Variants in ARHGEF11 observed in about 807,000 individuals in gnomAD.
ARHGEF11 encodes the protein Rho guanine exchange factor (GEF) 11.
A neutral mutation model predicts 193.7 loss-of-function variants in ARHGEF11; 55 were observed. That is an observed-to-expected ratio of 0.28 (90% CI 0.23 to 0.36). The LOEUF (loss-of-function observed/expected upper bound fraction) is 0.36. Among genes scored for constraint, ARHGEF11 ranks in the 10% least tolerant of loss-of-function variants. ARHGEF11 has a pLI of 1.00. For synonymous variants in ARHGEF11, 693 were observed against 768.0 expected, an observed-to-expected ratio of 0.90 and a Z score of 1.62; for missense variants, 1,723 against 2,005.6, an observed-to-expected ratio of 0.86 and a Z score of 2.69.
chr1:156,947,125 G>A, intron 26 of ARHGEF11, 110 bp from the exon 27 acceptor site: 3 of 1,504,450 alleles, frequency 2.0e-6, no homozygotes, highest in South Asian at 2.3e-5. Context: ...GAAGGGTCTG[G>A]AAACCATTGT....
chr1:156,936,893 G>A lies in ARHGEF11; in HGVS notation c.4553C>T (p.Ser1518Phe). Residue 1518 changes from serine (S) to phenylalanine (F), a missense_variant, in exon 40 of 41, where the codon TCC becomes TTC. Coordinates refer to ENST00000368194, the MANE Select transcript of ARHGEF11 (RefSeq NM_198236.3). Reference sequence around the variant, plus strand: ...GGGCTCCTTAGCGGGAGGTGAGAGGGAGCCATCTGTCCATCTAGCTGCTTC... The same window carrying A: ...GGGCTCCTTAGCGGGAGGTGAGAGGAAGCCATCTGTCCATCTAGCTGCTTC... ...HTEAARWTDG[S>F]LSPPAKEPLA... The A allele has an allele frequency of 6.2e-7, 1 of 1,614,144 alleles. No homozygotes were observed. Among genetic ancestry groups the A allele is most frequent in the African/African-American group, 1.3e-5 (1 of 75,020 alleles).
chr1:156,967,330 G>T (rs186654935), intron 11 of ARHGEF11, among the ~76,000 whole-genome samples: 5 of 152,284 alleles, frequency 3.3e-5, no homozygotes, highest in African/African-American at 1.2e-4. Flanking sequence ...ACGGTTAACG[G>T]TGTCTGAAAA....
intron 1 of ARHGEF11, among the ~76,000 whole-genome samples, chr1:157,016,298 C>T (rs771344534): frequency 3.3e-5 from 5 of 152,176 alleles, no homozygotes; most frequent in African/African-American, 4.8e-5. Context: ...TGGCTCACTG[C>T]AACCTCCGCC....
chr1:157,002,322 C>T (rs1037301239), intron 1 of ARHGEF11, among the ~76,000 whole-genome samples: 1 of 152,190 alleles, frequency 6.6e-6, no homozygotes, highest in African/African-American at 2.4e-5. Context: ...CAGTTTGGAT[C>T]TCATTCTCCA....
rs376577173 is a variant in ARHGEF11, at chr1:156,938,516, G to A, written c.4097-3C>T. The A allele has an allele frequency of 8.1e-6, 13 of 1,611,576 alleles. No individual in the cohort carries two copies. In the African/African-American group the frequency reaches 1.3e-4, roughly 17 times the overall value. ...AACCTTGCTGCCTGCCACCTCAGCTGCACCGACACCACCACCACCAGGAAG... is the reference window on the plus strand; with the variant it reads ...AACCTTGCTGCCTGCCACCTCAGCTACACCGACACCACCACCACCAGGAAG... On this transcript the variant is annotated splice_polypyrimidine_tract_variant and splice_region_variant and intron_variant, in intron 37 of 40. Coordinates refer to ENST00000368194, the MANE Select transcript of ARHGEF11 (RefSeq NM_198236.3).
intron 36 of ARHGEF11, 99 bp downstream of exon 36, chr1:156,940,108 A>T: frequency 7.0e-7 from 1 of 1,437,274 alleles, no homozygotes; most frequent in Non-Finnish European, 9.4e-7. Context: ...GCACACCAGG[A>T]AGAGCCTTCG....
intron 1 of ARHGEF11, among the ~76,000 whole-genome samples, chr1:156,989,224 G>GGGTCAGA (rs752810569): frequency 1.7e-3 from 262 of 151,866 alleles, no homozygotes; most frequent in South Asian, 2.9e-3. Flanking sequence ...CAACTTCTCA[G>GGGTCAGA]TTATCCCCTA....
intron 1 of ARHGEF11, among the ~76,000 whole-genome samples, chr1:156,992,192 A>G (rs542396365): frequency 6.6e-6 from 1 of 152,236 alleles, no homozygotes; most frequent in African/African-American, 2.4e-5. Flanking sequence ...ATAAATACCT[A>G]TACATATTCT....
At chr1:156,978,115 C>A (rs1571331522) in intron 6 of ARHGEF11, 89 bp downstream of exon 6, 1 of 1,550,480 alleles carries the variant, frequency 6.4e-7, no homozygotes, top group Non-Finnish European at 8.7e-7. Context: ...TTTACCACAG[C>A]CCCACTGGAT....
chr1:156,954,667 G>A (rs559153209), intron 21 of ARHGEF11, among the ~76,000 whole-genome samples: 50 of 152,348 alleles, frequency 3.3e-4, no homozygotes, highest in Non-Finnish European at 6.8e-4. Context: ...ACAAGGTCTC[G>A]TACCTGGCAT....
At chr1:156,958,043 T>A (rs940189497) in intron 17 of ARHGEF11, among the ~76,000 whole-genome samples, 21 of 152,226 alleles carry the variant, frequency 1.4e-4, no homozygotes, top group African/African-American at 4.8e-4. Context: ...TTCATCTTCT[T>A]TGCTATTTTT....
At chr1:157,043,127 A>G (rs1422544284) in intron 1 of ARHGEF11, among the ~76,000 whole-genome samples, 1 of 152,248 alleles carries the variant, frequency 6.6e-6, no homozygotes, top group East Asian at 1.9e-4. Context: ...TATGCATTTT[A>G]GGCCACATTC....
chr1:156,997,595 T>G (rs540800579), intron 1 of ARHGEF11, among the ~76,000 whole-genome samples: 1 of 152,078 alleles, frequency 6.6e-6, no homozygotes, highest in Non-Finnish European at 1.5e-5. Flanking sequence ...CTGCTGAGAG[T>G]GGGTTACTAG....
rs1267025018 is a variant in ARHGEF11, at chr1:156,948,495, T to C, written c.1929A>G (p.Ser643=). The C allele has an allele frequency of 1.2e-6, 2 of 1,614,030 alleles. No homozygotes were observed. The highest frequency in any genetic ancestry group is 1.7e-6 in the Non-Finnish European group (2 of 1,179,974). The change falls in exon 23 of 41, where the codon TCA becomes TCG. Residue 643 remains serine, a synonymous_variant. Coordinates refer to ENST00000368194, the MANE Select transcript of ARHGEF11 (RefSeq NM_198236.3). This position sits in a 1 kb window ranked among gnomAD's most constrained non-coding sequence, Gnocchi z 4.2. ...AGCGGCCCAGGCGAATCTCTGAGCG[T>C]GAACTGGGGGGAAGGGACAAAAGAC... ...FPEDLLESDS[S]RSEIRLGRSE... is the part of the protein sequence containing the mutation.
Position 156,978,221 on chromosome 1 carries a change from C to T in ARHGEF11, c.493G>A (p.Gly165Arg), listed in dbSNP as rs1663546604. 2 of 1,614,028 alleles carry T rather than the reference C, an allele frequency of 1.2e-6. No individual in the cohort carries two copies. The highest frequency in any genetic ancestry group is 1.7e-5 in the Admixed American group (1 of 60,006). ...ATTATTACCTGCAGAGGTTTGGGTC[C>T]TGTGATGCGTTGTGGAGGTGGTAGA... is the stretch of plus-strand genomic sequence containing the variant. ...PPLPPPQRITGPKPLQDPEVQ... is the reference protein window; with the variant it reads ...PPLPPPQRITRPKPLQDPEVQ... Residue 165 changes from glycine to arginine, a missense_variant, in exon 6 of 41, where the codon GGA becomes AGA. By Grantham distance (125) the Gly-to-Arg change is moderately radical. Around this residue, in one of 5 missense-constraint regions of ARHGEF11, gnomAD observed 646 missense variants for 710.7 expected, o/e 0.91. Transcript: ENST00000368194.
intron 1 of ARHGEF11, among the ~76,000 whole-genome samples, chr1:157,007,899 G>GTTT (rs11290114): frequency 7.8e-6 from 1 of 128,948 alleles, no homozygotes; most frequent in Admixed American, 8.1e-5. Flanking sequence ...GAAGGCAAAG[G>GTTT]TTTTTTTTTT....
intron 22 of ARHGEF11, 84 bp downstream of exon 22, chr1:156,951,489 A>G (rs1283656935): frequency 6.4e-7 from 1 of 1,560,868 alleles, no homozygotes; most frequent in Non-Finnish European, 8.7e-7. Context: ...AGAGGGGTCA[A>G]GTAGCTGGAA....
At chr1:156,937,060 T>G in intron 39 of ARHGEF11, 55 bp from the exon 40 acceptor site, 1 of 1,591,000 alleles carries the variant, frequency 6.3e-7, no homozygotes, top group Non-Finnish European at 8.6e-7. Context: ...CTAAGGCCCC[T>G]GGGGAAGGGG....
intron 13 of ARHGEF11, among the ~76,000 whole-genome samples, chr1:156,962,132 C>T (rs1660958739): frequency 6.6e-6 from 1 of 152,188 alleles, no homozygotes; most frequent in South Asian, 2.1e-4. Flanking sequence ...TCACTTGTGT[C>T]TTGTGCTGGT....
Sources: allele counts gnomAD v4.1 joint callset (sites outside exome capture counted in the v4.1 genomes callset), GRCh38; gene constraint gnomAD v4.1.1; regional missense constraint gnomAD v4.1.1; non-coding constraint Gnocchi (gnomAD v3.1); transcripts MANE v1.5; gene names NCBI Gene and HGNC (gene_info 2026-07-23, HGNC 2026-07-21).